The following BCL9 variants were observed in gnomAD, a reference collection of about 807,000 sequenced individuals.
BCL9 encodes the protein BCL9 transcription coactivator, also known as B-cell CLL/lymphoma 9 protein.
In BCL9, 25 loss-of-function variants were observed where a neutral mutation model predicts 88.5. That is an observed-to-expected ratio of 0.28 (90% CI 0.21 to 0.39). BCL9 has a LOEUF of 0.39. Ranked by LOEUF, BCL9 falls within the 10% of genes least tolerant of loss-of-function variation. The probability of loss-of-function intolerance (pLI) is 1.00; values close to 1 mark genes in which losing one functional copy is unlikely to be tolerated. For missense variants in BCL9, 1,817 were observed against 1,877.8 expected (o/e 0.97, Z 0.60); for synonymous variants, 711 against 673.3 (o/e 1.06, Z -0.87).
chr1:147,625,900 A>G lies in BCL9; in HGVS notation c.*941A>G, dbSNP rs1329918618. The G allele has an allele frequency of 4.3e-6, 1 of 232,966 alleles. No individual in the cohort carries two copies. The highest frequency in any genetic ancestry group is 5.6e-5 in the Admixed American group (1 of 17,752). The allele number at this position is 232,966 out of a possible 1,614,324, so 14.4% of individuals were successfully genotyped here. ...GCGTCCTCTTGGCTCTGAGAGGGAA[A>G]GGTCTGTCCTTGGGATGCTCTCTGG... On this transcript the variant is annotated 3_prime_UTR_variant, in exon 10 of 10. Transcript: ENST00000234739.
intron 1 of BCL9, among the ~76,000 whole-genome samples, chr1:147,568,123 C>T (rs1655693731): frequency 6.6e-6 from 1 of 152,216 alleles, no homozygotes. Flanking sequence ...ATGCCTCTTC[C>T]TTTTGGAAAT....
At position 147,619,230 on chromosome 1, in the gene BCL9, C is replaced by T. The variant is rs781842513; in HGVS notation, c.1075C>T (p.Arg359Trp). The T allele has an allele frequency of 6.2e-7, 1 of 1,614,108 alleles. No homozygotes were observed. The highest frequency in any genetic ancestry group is 1.7e-5 in the Admixed American group (1 of 60,018). ...DGLSQEQLEH[R>W]ERSLQTLRDI... ...CCTATCTCAGGAGCAGCTGGAGCAC[C>T]GGGAGCGCTCCTTACAAACTCTCAG... Residue 359 changes from arginine (R) to tryptophan (W), a missense_variant, in exon 8 of 10, where the codon CGG (arginine) becomes TGG (tryptophan). Around this residue, in one of 2 missense-constraint regions of BCL9, gnomAD observed 1,228 missense variants for 1,191.6 expected, o/e 1.03. Transcript: ENST00000234739. The surrounding 1 kb of genome is among the most constrained non-coding windows in gnomAD (Gnocchi z 4.1).
At chr1:147,614,328 C>T (rs1202054820) in intron 5 of BCL9, 99 bp from the exon 6 acceptor site, 12 of 1,215,726 alleles carry the variant, frequency 9.9e-6, no homozygotes, top group Non-Finnish European at 1.3e-5. Context: ...GTGGTACTTC[C>T]TTGAAATTCT....
intron 1 of BCL9, among the ~76,000 whole-genome samples, chr1:147,590,191 G>T (rs1338283012): frequency 6.6e-6 from 1 of 152,142 alleles, no homozygotes; most frequent in Non-Finnish European, 1.5e-5. Context: ...ACCAGAATGA[G>T]CCACCAGCAC....
intron 1 of BCL9, among the ~76,000 whole-genome samples, chr1:147,592,617 A>G (rs1474556813): frequency 6.6e-6 from 1 of 152,166 alleles, no homozygotes; most frequent in African/African-American, 2.4e-5. Context: ...GTGTGTCAGG[A>G]GAGTTGAAGA....
chr1:147,608,330 C>CTATT lies in BCL9; in HGVS notation c.-260+1465_-260+1466insATTT, dbSNP rs1553202229. On this transcript the variant is annotated intron_variant, in intron 3 of 9. Coordinates refer to ENST00000234739, the MANE Select transcript of BCL9 (RefSeq NM_004326.4). ...AATGCTAGACCTGGGTTTTGTTTTG[C>CTATT]TTTTTTTTTTTTTTTTTTTTAGCAC... Among the ~76,000 whole-genome samples, 8 of 101,054 alleles carry CTATT rather than the reference C, an allele frequency of 7.9e-5. No homozygotes were observed. In the East Asian group the frequency reaches 2.3e-3, roughly 29 times the overall value. 66.3% of individuals were successfully genotyped at this position (101,054 alleles called of 152,430 possible). A position where few individuals can be genotyped will look rare whatever the true frequency, so the allele number is the denominator to read the frequency against.
At chr1:147,621,120 AC>A in intron 8 of BCL9, 63 bp downstream of exon 8, 9 of 1,479,916 alleles carry the variant, frequency 6.1e-6, no homozygotes, top group Non-Finnish European at 8.2e-6. Flanking sequence ...CCTGATAGTT[AC>A]TTTAAGAAAA....
At chr1:147,568,097 C>T (rs770834753) in intron 1 of BCL9, among the ~76,000 whole-genome samples, 1 of 152,174 alleles carries the variant, frequency 6.6e-6, no homozygotes, top group South Asian at 2.1e-4. Context: ...AATGATCTCA[C>T]CTACCTCTGT....
Position 147,625,086 on chromosome 1 carries a change from T to C in BCL9, c.*127T>C, listed in dbSNP as rs1570928743. 1 of 1,191,762 alleles carries C rather than the reference T, an allele frequency of 8.4e-7. No homozygotes were observed. The highest frequency in any genetic ancestry group is 2.6e-5 in the East Asian group (1 of 39,010). 73.8% of individuals were successfully genotyped at this position (1,191,762 alleles called of 1,614,324 possible). On this transcript the variant is annotated 3_prime_UTR_variant, in exon 10 of 10. Coordinates refer to ENST00000234739, the MANE Select transcript of BCL9 (RefSeq NM_004326.4). ...AGGAGAACAGAGACCCGAGGGCTGC[T>C]TTGGGGGAGGGGGGAACTCGAGAAT...
At chr1:147,622,155 ACTGTC>A in intron 8 of BCL9, 111 bp from the exon 9 acceptor site, 1 of 1,380,332 alleles carries the variant, frequency 7.2e-7, no homozygotes, top group Non-Finnish European at 9.9e-7. Flanking sequence ...ATCTAATAAC[ACTGTC>A]CTGTTCATCT....
intron 1 of BCL9, among the ~76,000 whole-genome samples, chr1:147,603,942 T>C (rs587612842): frequency 1.4e-4 from 21 of 152,308 alleles, no homozygotes; most frequent in Admixed American, 3.9e-4. Flanking sequence ...ATGGAAACAG[T>C]CATCAAAATA....
chr1:147,608,233 G>A (rs1160350865), intron 3 of BCL9, among the ~76,000 whole-genome samples: 4 of 151,842 alleles, frequency 2.6e-5, no homozygotes, highest in East Asian at 3.9e-4. Flanking sequence ...ATTAAAGGTC[G>A]AATGGCAAGT....
At chr1:147,551,037 A>G (rs587647355) in intron 1 of BCL9, among the ~76,000 whole-genome samples, 2 of 152,348 alleles carry the variant, frequency 1.3e-5, no homozygotes, top group South Asian at 2.1e-4. Flanking sequence ...TATTCCTTAT[A>G]ACAATCCTGA....
At position 147,601,171 on chromosome 1, in the gene BCL9, G is replaced by T. The variant is rs139931061; in HGVS notation, c.-477-3606G>T. 3.7e-4 allele frequency among the ~76,000 whole-genome samples: 56 copies of T among 152,244 alleles called. No individual in the cohort carries two copies. The East Asian group carries it at 9.9e-3, about 27-fold the overall frequency. The stretch of plus-strand genomic sequence containing the variant: ...CTGAAGGAGGGGGAAGGAAAAATGG[G>T]TTTTTAGTGATAGGAGAGACTTAGA... On this transcript the variant is annotated intron_variant, in intron 1 of 9. Transcript: ENST00000234739.
At chr1:147,607,967 C>T (rs1442438843) in intron 3 of BCL9, among the ~76,000 whole-genome samples, 1 of 151,940 alleles carries the variant, frequency 6.6e-6, no homozygotes, top group Non-Finnish European at 1.5e-5. Context: ...AGAGTAGAGT[C>T]CAGAGGAACT....
chr1:147,588,728 G>C (rs916962740), intron 1 of BCL9, among the ~76,000 whole-genome samples: 2 of 152,196 alleles, frequency 1.3e-5, no homozygotes, highest in Non-Finnish European at 2.9e-5. Context: ...GGACCAAAGA[G>C]CGTGATTCTA....
intron 1 of BCL9, chr1:147,600,348 C>T (rs1355432692): frequency 1.3e-5 from 2 of 152,500 alleles, no homozygotes; most frequent in Admixed American, 6.5e-5. Flanking sequence ...GTAAGTGGCA[C>T]CTGGGGGAGG....
chr1:147,557,057 G>GGA (rs1431230091), intron 1 of BCL9, among the ~76,000 whole-genome samples: 4 of 152,160 alleles, frequency 2.6e-5, no homozygotes, highest in African/African-American at 9.7e-5. Flanking sequence ...TGAGCAAGGG[G>GGA]GAGAGAGACA....
At chr1:147,567,362 C>T (rs781986767) in intron 1 of BCL9, among the ~76,000 whole-genome samples, 3 of 152,092 alleles carry the variant, frequency 2.0e-5, no homozygotes, top group Non-Finnish European at 2.9e-5. Flanking sequence ...GCAATAGTAA[C>T]ATCATCAGTA....
Sources: gnomAD v4.1 joint callset for allele counts (sites outside exome capture counted in the v4.1 genomes callset) on GRCh38, gnomAD v4.1.1 for gene constraint, gnomAD v4.1.1 regional missense constraint, Gnocchi (gnomAD v3.1) non-coding constraint, MANE v1.5 for transcripts, NCBI Gene and HGNC (gene_info 2026-07-23, HGNC 2026-07-21) for gene names.